The following KCNQ1 variants were observed in gnomAD, a reference collection of about 807,000 sequenced individuals.
The protein encoded by KCNQ1 is potassium voltage-gated channel subfamily KQT member 1.
A neutral mutation model predicts 72.4 loss-of-function variants in KCNQ1; 49 were observed. That is an observed-to-expected ratio of 0.68 (90% CI 0.54 to 0.86). KCNQ1 has a LOEUF of 0.86. KCNQ1 is among the 40% of genes least tolerant of loss of function. The pLI, the probability that KCNQ1 is intolerant of heterozygous loss-of-function variation, is 0.00. For synonymous variants in KCNQ1, 450 were observed against 412.6 expected, an observed-to-expected ratio of 1.09 and a Z score of -1.10; for missense variants, 790 against 945.1, an observed-to-expected ratio of 0.84 and a Z score of 2.15.
intron 1 of KCNQ1, among the ~76,000 whole-genome samples, chr11:2,505,331 G>A (rs756167642): frequency 5.9e-5 from 9 of 151,858 alleles, no homozygotes; most frequent in African/African-American, 9.7e-5. Flanking sequence ...TCCCATTATC[G>A]TTGGAGAAGA....
chr11:2,677,307 TAAAG>T lies in KCNQ1; in HGVS notation c.1514+15230_1514+15233del. On this transcript the variant is annotated intron_variant, in intron 11 of 15. Transcript: ENST00000155840. The surrounding 1 kb of genome is among the most constrained non-coding windows in gnomAD (Gnocchi z 4.5). ...GTCAAAATAGGAGATTTCATCAAGT[TAAAG>T]AAAATGATGTCAAATGATTTCTCAA... is the stretch of plus-strand genomic sequence containing the variant. The T allele has an allele frequency of 2.5e-6, 1 of 398,560 alleles. No individual in the cohort carries two copies. Among genetic ancestry groups the T allele is most frequent in the Non-Finnish European group, 4.4e-6 (1 of 226,044 alleles). The allele number at this position is 398,560 out of a possible 1,614,324, so 24.7% of individuals were successfully genotyped here. A position where few individuals can be genotyped will look rare whatever the true frequency, so the allele number is the denominator to read the frequency against.
At position 2,482,867 on chromosome 11, in the gene KCNQ1, G is replaced by C. The variant is rs1053416429; in HGVS notation, c.386+37383G>C. Among the ~76,000 whole-genome samples, 1 of 152,184 alleles carries C rather than the reference G, an allele frequency of 6.6e-6. No homozygotes were observed. Among genetic ancestry groups the C allele is most frequent in the Non-Finnish European group, 1.5e-5 (1 of 68,040 alleles). On this transcript the variant is annotated intron_variant, in intron 1 of 15. Transcript: ENST00000155840. The surrounding 1 kb of genome is among the most constrained non-coding windows in gnomAD (Gnocchi z 5.7). Reference sequence around the variant, plus strand: ...CTAGGTTGTTGGGGAAACCAGGAGTGAGTGGAGCACGAGGGTCACCCTCCA... The same window carrying C: ...CTAGGTTGTTGGGGAAACCAGGAGTCAGTGGAGCACGAGGGTCACCCTCCA...
chr11:2,736,402 T>G (rs912864706), intron 11 of KCNQ1, among the ~76,000 whole-genome samples: 1 of 152,028 alleles, frequency 6.6e-6, no homozygotes, highest in East Asian at 1.9e-4. Context: ...GAGTCTGGAT[T>G]TTTTGGAGTC....
At chr11:2,577,251 G>A (rs1386896448) in intron 6 of KCNQ1, among the ~76,000 whole-genome samples, 1 of 152,236 alleles carries the variant, frequency 6.6e-6, no homozygotes, top group Non-Finnish European at 1.5e-5. Flanking sequence ...TCACAGTCAG[G>A]AGCGAGAAGC....
intron 2 of KCNQ1, among the ~76,000 whole-genome samples, chr11:2,530,763 T>C (rs1847608407): frequency 6.6e-6 from 1 of 152,194 alleles, no homozygotes; most frequent in Non-Finnish European, 1.5e-5. Flanking sequence ...ATAGGCACAT[T>C]GTAGTGTGCG....
Position 2,492,541 on chromosome 11 carries a change from G to A in KCNQ1, c.387-35387G>A, listed in dbSNP as rs1175004860. Among the ~76,000 whole-genome samples, 1 of 152,114 alleles carries A rather than the reference G, an allele frequency of 6.6e-6. No homozygotes were observed. Among genetic ancestry groups the A allele is most frequent in the Non-Finnish European group, 1.5e-5 (1 of 68,020 alleles). On this transcript the variant is annotated intron_variant, in intron 1 of 15. Coordinates refer to ENST00000155840, the MANE Select transcript of KCNQ1 (RefSeq NM_000218.3). This position sits in a 1 kb window ranked among gnomAD's most constrained non-coding sequence, Gnocchi z 4.1. ...CCCATCTCCCCACAGATCCCGGTGT[G>A]TGATGTTCCCCTCCCTGTGTCCGTG...
At chr11:2,637,689 G>A (rs536730257) in intron 10 of KCNQ1, 1 of 152,338 alleles carries the variant, frequency 6.6e-6, no homozygotes, top group South Asian at 2.1e-4. Flanking sequence ...TTCTGTAGAT[G>A]TCTATTAGGT....
rs981361441 is a variant in KCNQ1, at chr11:2,781,989, G to T, written c.1794+3952G>T. ...CCTGCCCATGCCTTTACCAAGCTTC[G>T]TGCATGACCCCAACCTCCAGGATGC... On this transcript the variant is annotated intron_variant, in intron 15 of 15. Transcript: ENST00000155840. This position sits in a 1 kb window ranked among gnomAD's most constrained non-coding sequence, Gnocchi z 6.6. 6.6e-6 allele frequency among the ~76,000 whole-genome samples: 1 copy of T among 152,022 alleles called. No individual in the cohort carries two copies. The highest frequency in any genetic ancestry group is 1.9e-4 in the East Asian group (1 of 5,186).
intron 1 of KCNQ1, among the ~76,000 whole-genome samples, chr11:2,514,961 G>A (rs1205535519): frequency 3.3e-5 from 5 of 152,194 alleles, no homozygotes; most frequent in African/African-American, 7.2e-5. Context: ...CTGTCCTTCC[G>A]CACCTCGCCC....
rs1194808310 is a variant in KCNQ1, at chr11:2,627,306, G to A, written c.1394-34655G>A. On this transcript the variant is annotated intron_variant, in intron 10 of 15. Coordinates refer to ENST00000155840, the MANE Select transcript of KCNQ1 (RefSeq NM_000218.3). The surrounding 1 kb of genome is among the most constrained non-coding windows in gnomAD (Gnocchi z 4.9). The stretch of plus-strand genomic sequence containing the variant: ...TATACCTTACATAGTTGCCATGTGT[G>A]TGCGTGTGTGTGGTCAGAATACCTA... The A allele has an allele frequency of 2.0e-5, 8 of 398,420 alleles. No homozygotes were observed. The highest frequency in any genetic ancestry group is 2.2e-5 in the Non-Finnish European group (5 of 226,060). The allele number at this position is 398,420 out of a possible 1,614,324, so 24.7% of individuals were successfully genotyped here. A position where few individuals can be genotyped will look rare whatever the true frequency, so the allele number is the denominator to read the frequency against.
chr11:2,454,191 C>T (rs903354069), intron 1 of KCNQ1, among the ~76,000 whole-genome samples: 1 of 151,626 alleles, frequency 6.6e-6, no homozygotes, highest in Non-Finnish European at 1.5e-5. Context: ...TGGAAGCCTC[C>T]AAATCTTAAA....
chr11:2,805,730 C>G (rs1327084650), intron 15 of KCNQ1, among the ~76,000 whole-genome samples: 5 of 152,188 alleles, frequency 3.3e-5, no homozygotes, highest in Admixed American at 1.3e-4. Flanking sequence ...ACGCAAGATG[C>G]AGAAATGAAC....
intron 11 of KCNQ1, chr11:2,697,724 T>TAA: frequency 1.5e-5 from 6 of 398,656 alleles, no homozygotes; most frequent in Middle Eastern, 6.3e-4. Flanking sequence ...CAATCCCACT[T>TAA]GTTTAAGAAT....
Position 2,598,618 on chromosome 11 carries a change from A to AAAAAAC in KCNQ1, c.1393+9767_1393+9768insAACAAA, listed in dbSNP as rs1397750124. ...CTGCTCTGCCCTTAGTTAAAAAAAAAAAACCCTAATACATCTGCCAAATTC... is the reference window on the plus strand; with the variant it reads ...CTGCTCTGCCCTTAGTTAAAAAAAAAAAAAACAAACCCTAATACATCTGCCAAATTC... On this transcript the variant is annotated intron_variant, in intron 10 of 15. Transcript: ENST00000155840. This position sits in a 1 kb window ranked among gnomAD's most constrained non-coding sequence, Gnocchi z 6.2. 2.0e-5 allele frequency among the ~76,000 whole-genome samples: 3 copies of AAAAAAC among 152,122 alleles called. No individual in the cohort carries two copies. Among genetic ancestry groups the AAAAAAC allele is most frequent in the African/African-American group, 4.8e-5 (2 of 41,418 alleles).
In KCNQ1 at chr11:2,593,845, C is replaced by T. The variant is rs1168196110; in HGVS notation, c.1393+4991C>T. 6.6e-6 allele frequency among the ~76,000 whole-genome samples: 1 copy of T among 152,190 alleles called. No individual in the cohort carries two copies. The highest frequency in any genetic ancestry group is 1.5e-5 in the Non-Finnish European group (1 of 68,030). The stretch of plus-strand genomic sequence containing the variant: ...CAAAGCCGTGTGTTCTGATTGTGCA[C>T]TTTTGGTGGCTGCCACAGGATTAAA... On this transcript the variant is annotated intron_variant, in intron 10 of 15. Coordinates refer to ENST00000155840, the MANE Select transcript of KCNQ1 (RefSeq NM_000218.3). This position sits in a 1 kb window ranked among gnomAD's most constrained non-coding sequence, Gnocchi z 6.9.
intron 1 of KCNQ1, among the ~76,000 whole-genome samples, chr11:2,453,185 C>T (rs576054489): frequency 6.6e-6 from 1 of 152,284 alleles, no homozygotes; most frequent in Admixed American, 6.5e-5. Context: ...ACCAGCCTGA[C>T]CAACGTGGTG....
chr11:2,498,517 T>C lies in KCNQ1; in HGVS notation c.387-29411T>C, dbSNP rs976739378. Reference sequence around the variant, plus strand: ...AAACCGCCTACTAAAGCCTCAGTAATACCAAATGCCCCTCCCGCCACCAAG... The same window carrying C: ...AAACCGCCTACTAAAGCCTCAGTAACACCAAATGCCCCTCCCGCCACCAAG... On this transcript the variant is annotated intron_variant, in intron 1 of 15. Coordinates refer to ENST00000155840, the MANE Select transcript of KCNQ1 (RefSeq NM_000218.3). The surrounding 1 kb of genome is among the most constrained non-coding windows in gnomAD (Gnocchi z 4.8). Among the ~76,000 whole-genome samples the C allele has an allele frequency of 6.6e-6, 1 of 152,156 alleles. No homozygotes were observed. Among genetic ancestry groups the C allele is most frequent in the African/African-American group, 2.4e-5 (1 of 41,440 alleles).
At position 2,484,274 on chromosome 11, in the gene KCNQ1, C is replaced by G. The variant is rs1405154599; in HGVS notation, c.386+38790C>G. ...TGCCTCCGGGGTTCAAGTGATTCTCCTGCCTCAGCCTCCTGAGTAGCTGGG... is the reference window on the plus strand; with the variant it reads ...TGCCTCCGGGGTTCAAGTGATTCTCGTGCCTCAGCCTCCTGAGTAGCTGGG... On this transcript the variant is annotated intron_variant, in intron 1 of 15. Transcript: ENST00000155840. This position sits in a 1 kb window ranked among gnomAD's most constrained non-coding sequence, Gnocchi z 5.2. 6.6e-6 allele frequency among the ~76,000 whole-genome samples: 1 copy of G among 152,116 alleles called. No homozygotes were observed.
rs1263252565 is a variant in KCNQ1 at position 2,572,031 on chromosome 11, G to C, written c.702G>C (p.Gln234His). The C allele has an allele frequency of 6.2e-7, 1 of 1,612,928 alleles. No homozygotes were observed. The stretch of plus-strand genomic sequence containing the variant: ...TTCGCAGGGGCATCCGCTTCCTGCA[G>C]ATCCTGAGGATGCTACACGTCGACC... The part of the protein sequence containing the change: ...TSAIRGIRFL[Q>H]ILRMLHVDRQ... The change falls in exon 5 of 16, where the codon CAG becomes CAC. Residue 234 changes from glutamine (Q) to histidine (H), a missense_variant. Coordinates refer to ENST00000155840, the MANE Select transcript of KCNQ1 (RefSeq NM_000218.3).
Sources: gnomAD v4.1 joint callset for allele counts (sites outside exome capture counted in the v4.1 genomes callset) on GRCh38, gnomAD v4.1.1 for gene constraint, Gnocchi (gnomAD v3.1) non-coding constraint, MANE v1.5 for transcripts, NCBI Gene and HGNC (gene_info 2026-07-23, HGNC 2026-07-21) for gene names.